The following TBC1D4 variants were observed in gnomAD, a reference collection of about 807,000 sequenced individuals.
The protein encoded by TBC1D4 is TBC (Tre-2, BUB2, CDC16) domain-containing protein.
In TBC1D4, 121 loss-of-function variants were observed where a neutral mutation model predicts 142.5. The ratio of observed to expected loss-of-function variants is 0.85; its 90% CI spans 0.73 to 0.99. The LOEUF is 0.99. Ranked by LOEUF, TBC1D4 falls within the 50% of genes least tolerant of loss-of-function variation. TBC1D4 has a pLI of 0.00. For missense variants in TBC1D4, 1,475 were observed against 1,606.6 expected (o/e 0.92, Z 1.40); for synonymous variants, 630 against 628.2 (o/e 1.00, Z -0.04).
At chr13:75,370,375 G>C (rs1883159360) in intron 1 of TBC1D4, among the ~76,000 whole-genome samples, 1 of 152,188 alleles carries the variant, frequency 6.6e-6, no homozygotes, top group Non-Finnish European at 1.5e-5. Flanking sequence ...GATCTAAGTT[G>C]CTTTCAAAAG....
intron 1 of TBC1D4, among the ~76,000 whole-genome samples, chr13:75,425,305 G>T (rs1017209490): frequency 6.6e-6 from 1 of 152,120 alleles, no homozygotes; most frequent in Non-Finnish European, 1.5e-5. Context: ...CTGTTGGAAT[G>T]GTTATTATAA....
chr13:75,451,108 T>C (rs561259181), intron 1 of TBC1D4, among the ~76,000 whole-genome samples: 110 of 152,322 alleles, frequency 7.2e-4, no homozygotes, highest in African/African-American at 2.5e-3. Context: ...GTATTTGCAT[T>C]GCAGTGCGCA....
chr13:75,426,882 A>T (rs1886391650), intron 1 of TBC1D4, among the ~76,000 whole-genome samples: 2 of 39,918 alleles, frequency 5.0e-5, no homozygotes, highest in Admixed American at 8.6e-4. Flanking sequence ...TCTGGAAAAA[A>T]TACAAAAAAA....
intron 4 of TBC1D4, among the ~76,000 whole-genome samples, chr13:75,353,587 A>T (rs568931673): frequency 6.6e-6 from 1 of 152,236 alleles, no homozygotes; most frequent in African/African-American, 2.4e-5. Flanking sequence ...TAGTAAGAGA[A>T]CTAACAATAG....
In TBC1D4 at chr13:75,406,455, G is replaced by C. The variant is rs530265468; in HGVS notation, c.499-43848C>G. Among the ~76,000 whole-genome samples, 3 of 152,276 alleles carry C rather than the reference G, an allele frequency of 2.0e-5. No individual in the cohort carries two copies. The South Asian group carries it at 6.2e-4, about 32-fold the overall frequency. On this transcript the variant is annotated intron_variant, in intron 1 of 20. Coordinates refer to ENST00000377636, the MANE Select transcript of TBC1D4 (RefSeq NM_014832.5). ...TGCTGTCTTCAACAGACGGCACATT[G>C]CATGGTTTTGTCCTTCATTTCAACC... is the stretch of plus-strand genomic sequence containing the variant.
chr13:75,430,045 G>T (rs1886532879), intron 1 of TBC1D4, among the ~76,000 whole-genome samples: 1 of 152,152 alleles, frequency 6.6e-6, no homozygotes, highest in Non-Finnish European at 1.5e-5. Flanking sequence ...CCAGAGAAGG[G>T]TTAAACAGAA....
At chr13:75,436,055 G>C (rs1886787925) in intron 1 of TBC1D4, among the ~76,000 whole-genome samples, 1 of 152,174 alleles carries the variant, frequency 6.6e-6, no homozygotes, top group Admixed American at 6.5e-5. Context: ...GGAGGTAATT[G>C]AATCATGGCA....
intron 1 of TBC1D4, chr13:75,375,512 T>A (rs540021478): frequency 3.9e-5 from 6 of 152,308 alleles, no homozygotes; most frequent in Non-Finnish European, 7.3e-5. Context: ...AGCAATTGAT[T>A]ACACAAAACA....
At chr13:75,467,418 C>T (rs574588063) in intron 1 of TBC1D4, among the ~76,000 whole-genome samples, 5 of 152,204 alleles carry the variant, frequency 3.3e-5, no homozygotes, top group African/African-American at 9.6e-5. Flanking sequence ...AACAGAGAAA[C>T]GCATACATAA....
chr13:75,403,530 C>A (rs964003232), intron 1 of TBC1D4, among the ~76,000 whole-genome samples: 8 of 152,098 alleles, frequency 5.3e-5, no homozygotes, highest in Non-Finnish European at 8.8e-5. Flanking sequence ...TGTTAAACAA[C>A]CCCAACATTT....
intron 1 of TBC1D4, among the ~76,000 whole-genome samples, chr13:75,409,538 A>G (rs574225695): frequency 6.6e-6 from 1 of 152,296 alleles, no homozygotes; most frequent in Non-Finnish European, 1.5e-5. Context: ...TACCCTGGCT[A>G]ACAGATAAAT....
chr13:75,468,238 C>A (rs1486302753), intron 1 of TBC1D4, among the ~76,000 whole-genome samples: 1 of 152,234 alleles, frequency 6.6e-6, no homozygotes, highest in East Asian at 1.9e-4. Flanking sequence ...AGTCCAGCTT[C>A]TTGGGCCTAA....
rs186719637 is a variant in TBC1D4, at chr13:75,373,234, C to T, written c.499-10627G>A. ...CTCAGAAACCTATTTTTGTCCTGTC[C>T]TTCCACATTACTTCAGATATTTATA... On this transcript the variant is annotated intron_variant, in intron 1 of 20. Transcript: ENST00000377636. Among the ~76,000 whole-genome samples the T allele has an allele frequency of 2.7e-3, 405 of 152,282 alleles. 1 individual carries two copies. The highest frequency in any genetic ancestry group is 6.8e-3 in the Middle Eastern group (2 of 294).
chr13:75,321,922 A>G (rs1362352356), intron 11 of TBC1D4, among the ~76,000 whole-genome samples: 2 of 152,232 alleles, frequency 1.3e-5, no homozygotes. Context: ...TCAGTGAAAG[A>G]TGTGAGATAA....
intron 1 of TBC1D4, among the ~76,000 whole-genome samples, chr13:75,450,376 TA>T: frequency 6.6e-6 from 1 of 152,326 alleles, no homozygotes; most frequent in South Asian, 2.1e-4. Flanking sequence ...TCATTTGCTT[TA>T]TACTTTCAAA....
chr13:75,345,149 C>T (rs2138095382), intron 5 of TBC1D4, among the ~76,000 whole-genome samples: 1 of 152,280 alleles, frequency 6.6e-6, no homozygotes, highest in Middle Eastern at 3.4e-3. Context: ...CCCTTCTAAG[C>T]AAAGTGAATA....
At chr13:75,410,722 G>A (rs1885605232) in intron 1 of TBC1D4, among the ~76,000 whole-genome samples, 1 of 151,712 alleles carries the variant, frequency 6.6e-6, no homozygotes, top group Admixed American at 6.6e-5. Context: ...GGATCACGAG[G>A]TCAGGAGATC....
intron 7 of TBC1D4, among the ~76,000 whole-genome samples, chr13:75,338,225 C>T (rs1330157209): frequency 6.6e-6 from 1 of 151,664 alleles, no homozygotes; most frequent in Admixed American, 6.6e-5. Flanking sequence ...AGCACCAGCT[C>T]CATCAAATCA....
chr13:75,443,641 A>C (rs1887147079), intron 1 of TBC1D4, among the ~76,000 whole-genome samples: 1 of 152,220 alleles, frequency 6.6e-6, no homozygotes, highest in Non-Finnish European at 1.5e-5. Context: ...AAAAGGAAGA[A>C]TGTCAATCCA....
Sources: allele counts gnomAD v4.1 joint callset (sites outside exome capture counted in the v4.1 genomes callset), GRCh38; gene constraint gnomAD v4.1.1; transcripts MANE v1.5; gene names NCBI Gene and HGNC (gene_info 2026-07-23, HGNC 2026-07-21).